The following PHF3 variants were observed in gnomAD, a reference collection of about 807,000 sequenced individuals.
PHF3 encodes PHD finger protein 3.
PHF3 carries 41 observed loss-of-function variants against 178.4 expected under a neutral mutation model. The ratio of observed to expected loss-of-function variants is 0.23; its 90% CI spans 0.18 to 0.30. PHF3 has a LOEUF of 0.30. PHF3 is among the 10% of genes least tolerant of loss of function. The pLI is 1.00. For missense variants in PHF3, 2,346 were observed against 2,398.1 expected, an observed-to-expected ratio of 0.98 and a Z score of 0.45; for synonymous variants, 842 against 800.5, an observed-to-expected ratio of 1.05 and a Z score of -0.88.
rs751467218 is a variant in PHF3 at position 63,685,402 on chromosome 6, T to C, written c.1680T>C (p.Ser560=). 2.5e-6 allele frequency: 4 copies of C among 1,613,474 alleles called. No homozygotes were observed. In the South Asian group the frequency reaches 4.4e-5, roughly 18 times the overall value. Residue 560 remains serine, a synonymous_variant, in exon 4 of 16, where the codon AGT becomes AGC. Coordinates refer to ENST00000262043, the MANE Select transcript of PHF3 (RefSeq NM_001370348.2). ...TTGATAAGGAGCCAAAGATTCAGAG[T>C]TGCAATTCTGGGGTTAAATCTGTGA... is the stretch of plus-strand genomic sequence containing the variant. ...KQIDKEPKIQ[S]CNSGVKSVKN... is the part of the protein sequence containing the mutation.
chr6:63,697,718 T>C (rs1767293124), intron 6 of PHF3, among the ~76,000 whole-genome samples: 1 of 152,136 alleles, frequency 6.6e-6, no homozygotes, highest in African/African-American at 2.4e-5. Flanking sequence ...ATGGTAAAAA[T>C]CATAGATTTA....
chr6:63,678,002 C>G (rs1766249495), intron 2 of PHF3, among the ~76,000 whole-genome samples: 1 of 152,124 alleles, frequency 6.6e-6, no homozygotes, highest in African/African-American at 2.4e-5. Context: ...GCAGACGGAT[C>G]ACCTGAGGTC....
chr6:63,665,872 A>G (rs1765661283), intron 2 of PHF3, among the ~76,000 whole-genome samples: 1 of 152,188 alleles, frequency 6.6e-6, no homozygotes, highest in Non-Finnish European at 1.5e-5. Flanking sequence ...ACATTCTGTA[A>G]CAATGCAAAG....
intron 6 of PHF3, among the ~76,000 whole-genome samples, chr6:63,697,882 C>T (rs1000758903): frequency 1.1e-4 from 16 of 152,058 alleles, no homozygotes; most frequent in African/African-American, 3.6e-4. Context: ...ATTAGTAAAA[C>T]CAGAAGAGAT....
chr6:63,710,047 T>C (rs1485944654), intron 14 of PHF3, among the ~76,000 whole-genome samples: 4 of 152,224 alleles, frequency 2.6e-5, no homozygotes, highest in Non-Finnish European at 5.9e-5. Flanking sequence ...AAATCTTGAA[T>C]GAATAAATGT....
At chr6:63,694,351 A>G (rs1045171595) in intron 5 of PHF3, among the ~76,000 whole-genome samples, 2 of 152,082 alleles carry the variant, frequency 1.3e-5, no homozygotes, top group African/African-American at 4.8e-5. Flanking sequence ...AATTCTTACT[A>G]CCTTATTTTT....
rs1012247551 is a variant in PHF3, at chr6:63,725,790, A to G, written c.*12082A>G. Among the ~76,000 whole-genome samples the G allele has an allele frequency of 3.3e-5, 5 of 152,138 alleles. No homozygotes were observed. The highest frequency in any genetic ancestry group is 5.9e-5 in the Non-Finnish European group (4 of 67,986). ...GATCATTAGAGCACCATTTTTGCTA[A>G]TGATGTGAAATTTAGCAAATGTAAT... On this transcript the variant is annotated 3_prime_UTR_variant, in exon 16 of 16. Coordinates refer to ENST00000262043, the MANE Select transcript of PHF3 (RefSeq NM_001370348.2).
intron 2 of PHF3, among the ~76,000 whole-genome samples, chr6:63,647,155 G>A (rs1435121005): frequency 5.9e-5 from 9 of 151,878 alleles, no homozygotes; most frequent in South Asian, 2.1e-4. Flanking sequence ...GGGATTGCCC[G>A]GCAAATTGAG....
chr6:63,668,824 T>C (rs1765787381), intron 2 of PHF3, among the ~76,000 whole-genome samples: 1 of 152,244 alleles, frequency 6.6e-6, no homozygotes, highest in Non-Finnish European at 1.5e-5. Flanking sequence ...GGCAGAATGC[T>C]TCTAAAAGTA....
intron 2 of PHF3, among the ~76,000 whole-genome samples, chr6:63,675,440 C>A (rs182990948): frequency 2.0e-5 from 3 of 152,040 alleles, no homozygotes; most frequent in African/African-American, 7.2e-5. Context: ...GAGAATGGCA[C>A]CTAGTACCTA....
intron 1 of PHF3, 83 bp from the exon 2 acceptor site, chr6:63,646,444 C>G (rs1304699471): frequency 1.0e-6 from 1 of 978,208 alleles, no homozygotes; most frequent in African/African-American, 1.7e-5. Context: ...TTCTTAGACT[C>G]AAAACTATTA....
chr6:63,704,939 G>T (rs1340803347), intron 11 of PHF3, among the ~76,000 whole-genome samples: 1 of 152,132 alleles, frequency 6.6e-6, no homozygotes, highest in Non-Finnish European at 1.5e-5. Flanking sequence ...CTAGCATTTG[G>T]TATTGTCAGT....
chr6:63,655,329 G>A (rs897446220), intron 2 of PHF3, among the ~76,000 whole-genome samples: 4 of 151,946 alleles, frequency 2.6e-5, no homozygotes, highest in Admixed American at 1.3e-4. Context: ...CACCTGCGTT[G>A]GCTTCCCAAA....
At chr6:63,641,516 T>C (rs2149534933) in intron 1 of PHF3, among the ~76,000 whole-genome samples, 1 of 141,776 alleles carries the variant, frequency 7.1e-6, no homozygotes, top group Non-Finnish European at 1.5e-5. Flanking sequence ...AGTGATTTAT[T>C]GTTAGGTGTG....
chr6:63,725,909 G>T lies in PHF3; in HGVS notation c.*12201G>T, dbSNP rs974488489. On this transcript the variant is annotated 3_prime_UTR_variant, in exon 16 of 16. Coordinates refer to ENST00000262043, the MANE Select transcript of PHF3 (RefSeq NM_001370348.2). Reference sequence around the variant, plus strand: ...TTTAAAAATACTTAGCAATAGAGATGTAACTATATGTGCAGATGTCTTTGT... The same window carrying T: ...TTTAAAAATACTTAGCAATAGAGATTTAACTATATGTGCAGATGTCTTTGT... 2.0e-5 allele frequency among the ~76,000 whole-genome samples: 3 copies of T among 152,106 alleles called. No homozygotes were observed. The highest frequency in any genetic ancestry group is 4.4e-5 in the Non-Finnish European group (3 of 67,982).
chr6:63,721,808 G>C lies in PHF3; in HGVS notation c.*8100G>C, dbSNP rs933127002. 8 of 1,535,576 alleles carry C rather than the reference G, an allele frequency of 5.2e-6. No homozygotes were observed. The African/African-American group carries it at 1.1e-4, about 21-fold the overall frequency. ...TGCATAAAAAATCACCTGCAAGAAA[G>C]CAAACAGTAAGTTTGATTAGCAACA... On this transcript the variant is annotated 3_prime_UTR_variant, in exon 16 of 16. Coordinates refer to ENST00000262043, the MANE Select transcript of PHF3 (RefSeq NM_001370348.2).
At chr6:63,673,332 C>T (rs913721693) in intron 2 of PHF3, among the ~76,000 whole-genome samples, 3 of 152,020 alleles carry the variant, frequency 2.0e-5, no homozygotes, top group African/African-American at 7.2e-5. Context: ...GAAAAAATAT[C>T]CCAAAGTGAT....
chr6:63,696,442 C>T (rs1051183930), intron 6 of PHF3, among the ~76,000 whole-genome samples: 5 of 150,316 alleles, frequency 3.3e-5, no homozygotes, highest in Non-Finnish European at 7.4e-5. Context: ...GCCTCAACCT[C>T]CTGAGTGGCT....
intron 2 of PHF3, among the ~76,000 whole-genome samples, chr6:63,670,685 A>G (rs1219170927): frequency 1.3e-5 from 2 of 152,154 alleles, no homozygotes; most frequent in South Asian, 2.1e-4. Context: ...GAGCCATGAT[A>G]TTTTTGTATG....
Sources: allele counts gnomAD v4.1 joint callset (sites outside exome capture counted in the v4.1 genomes callset), GRCh38; gene constraint gnomAD v4.1.1; transcripts MANE v1.5; gene names NCBI Gene and HGNC (gene_info 2026-07-23, HGNC 2026-07-21).